Variants in CENPI observed in about 807,000 individuals in gnomAD.
CENPI encodes the protein centromere protein I.
Under a neutral mutation model 60.4 loss-of-function variants are expected in CENPI, and 4 were observed. The ratio of observed to expected loss-of-function variants is 0.07; its 90% confidence interval spans 0.03 to 0.15. The LOEUF (loss-of-function observed/expected upper bound fraction) is 0.15. Among genes scored for constraint, CENPI ranks in the 10% least tolerant of loss-of-function variants. The pLI, the probability that CENPI is intolerant of heterozygous loss-of-function variation, is 1.00. For missense variants in CENPI, 444 were observed against 534.5 expected, an observed-to-expected ratio of 0.83 and a Z score of 1.67; for synonymous variants, 157 against 189.4, an observed-to-expected ratio of 0.83 and a Z score of 1.40.
intron 5 of CENPI, 126 bp downstream of exon 5, chrX:101,109,717 C>T: frequency 1.7e-6 from 1 of 578,809 alleles, no homozygotes. Context: ...AACAATATAT[C>T]TTGATGCAAG....
intron 4 of CENPI, among the ~76,000 whole-genome samples, chrX:101,106,597 A>C (rs1171512816): frequency 9.1e-6 from 1 of 109,851 alleles, no homozygotes; most frequent in Non-Finnish European, 1.9e-5. Flanking sequence ...TTGTATTTTT[A>C]GTAGAGATGG....
chrX:101,128,778 C>G lies in CENPI; in HGVS notation c.1137C>G (p.Val379=), dbSNP rs368314390. The G allele has an allele frequency of 8.3e-7, 1 of 1,206,742 alleles. No individual in the cohort carries two copies. The highest frequency in any genetic ancestry group is 1.7e-5 in the African/African-American group (1 of 57,246). ...TGCTGCTTCACTACATTAACTGTGT[C>G]AGAGATGAGCCAGTCTTGCTGAGGT... ...NSLLLHYINC[V]RDEPVLLRFY... is the part of the protein sequence containing the mutation. Residue 379 remains valine (V), a synonymous_variant, in exon 12 of 22, where the codon GTC becomes GTG. Transcript: ENST00000682095.
intron 16 of CENPI, 50 bp from the exon 17 acceptor site, chrX:101,145,014 G>A (rs2089950664): frequency 1.0e-5 from 11 of 1,049,162 alleles, no homozygotes; most frequent in Non-Finnish European, 1.4e-5. Context: ...CTTGGAAATT[G>A]TGAACACTAT....
At chrX:101,175,779 A>G in the CENPI span, among the ~76,000 whole-genome samples, 5 of 111,929 alleles carry the variant, frequency 4.5e-5, no homozygotes, top group Admixed American at 4.8e-4. Flanking sequence ...TCGAGTATTT[A>G]TTATTTCTGT....
chrX:101,145,405 A>G (rs1427869830), intron 17 of CENPI, among the ~76,000 whole-genome samples: 1 of 111,085 alleles, frequency 9.0e-6, no homozygotes, highest in Non-Finnish European at 1.9e-5. Context: ...AATTGCTTTT[A>G]TTTAGGGCCA....
Position 101,148,150 on chromosome X carries a change from T to C in CENPI, c.2083T>C (p.Phe695Leu). The C allele has an allele frequency of 8.4e-7, 1 of 1,194,412 alleles. No homozygotes were observed. The highest frequency in any genetic ancestry group is 2.4e-4 in the Middle Eastern group (1 of 4,221). Residue 695 changes from phenylalanine to leucine, a missense_variant, in exon 20 of 22, where the codon TTT becomes CTT. Transcript: ENST00000682095. ...TTCTTTCTTGAGTTACGCTGTTTCC[T>C]TTTTGCTACAGGTAAGGGTATTTAA... ...HPSFLSYAVS[F>L]LLQESPEERT... is the part of the protein sequence containing the mutation.
chrX:101,147,700 A>G, intron 18 of CENPI, 63 bp from the exon 19 acceptor site: 1 of 880,283 alleles, frequency 1.1e-6, no homozygotes, highest in South Asian at 2.2e-5. Context: ...AAATTTTACC[A>G]TTTCAAAGGC....
intron 6 of CENPI, among the ~76,000 whole-genome samples, chrX:101,119,187 T>C (rs749633128): frequency 3.0e-4 from 34 of 111,572 alleles, no homozygotes; most frequent in Non-Finnish European, 5.5e-4. Context: ...TCTCAAAAAA[T>C]AAAATAAAAA....
intron 2 of CENPI, 160 bp from the exon 3 acceptor site, chrX:101,100,898 A>G (rs1318865482): frequency 5.0e-6 from 2 of 397,499 alleles, no homozygotes; most frequent in Non-Finnish European, 8.7e-6. Flanking sequence ...GAGAAAGTCA[A>G]CCTCTAGACT....
At chrX:101,148,506 A>G (rs753304862) in intron 20 of CENPI, among the ~76,000 whole-genome samples, 6 of 112,148 alleles carry the variant, frequency 5.4e-5, no homozygotes, top group Admixed American at 9.6e-5. Flanking sequence ...GAAACGCTTC[A>G]TAGATGTGGA....
intron 16 of CENPI, among the ~76,000 whole-genome samples, chrX:101,143,026 C>T (rs1391871801): frequency 6.8e-5 from 7 of 102,940 alleles, no homozygotes; most frequent in Admixed American, 3.2e-4. Flanking sequence ...GCTGAGATTG[C>T]GCCACTGTAC....
chrX:101,151,204 A>T (rs2148243297), intron 20 of CENPI, among the ~76,000 whole-genome samples: 1 of 111,537 alleles, frequency 9.0e-6, no homozygotes, highest in East Asian at 2.8e-4. Flanking sequence ...ACTTCTGGTT[A>T]TGTCTTATCT....
chrX:101,144,629 G>A (rs1318087726), intron 16 of CENPI, among the ~76,000 whole-genome samples: 1 of 107,485 alleles, frequency 9.3e-6, no homozygotes, highest in Non-Finnish European at 1.9e-5. Flanking sequence ...GAGAGCCCCC[G>A]ACCTTCGCCT....
At chrX:101,149,758 C>T (rs1001425953) in intron 20 of CENPI, among the ~76,000 whole-genome samples, 2 of 110,819 alleles carry the variant, frequency 1.8e-5, no homozygotes, top group Non-Finnish European at 3.8e-5. Context: ...CTGCCTGCCT[C>T]GGCCTCCCAA....
chrX:101,111,832 G>T (rs1367792549), intron 6 of CENPI, among the ~76,000 whole-genome samples: 1 of 111,406 alleles, frequency 9.0e-6, no homozygotes, highest in African/African-American at 3.3e-5. Flanking sequence ...AAGAGATTGA[G>T]ACCATCCTGG....
Position 101,129,888 on chromosome X carries a change from TACTTTGTC to T in CENPI, c.1196-89_1196-82del, listed in dbSNP as rs2089777389. 17 of 592,784 alleles carry T rather than the reference TACTTTGTC, an allele frequency of 2.9e-5. No homozygotes were observed. In the East Asian group the frequency reaches 5.9e-4, roughly 20 times the overall value. 48.9% of individuals were successfully genotyped at this position (592,784 alleles called of 1,213,427 possible). On this transcript the variant is annotated intron_variant, in intron 12 of 21. Transcript: ENST00000682095. ...GGATGTATGAGACTTATGGCTTTTT[TACTTTGTC>T]ACTTGTCACTTTAGTGATAATTATG...
In CENPI at chrX:101,148,141, G is replaced by A. The variant is rs765434241; in HGVS notation, c.2074G>A (p.Ala692Thr). Residue 692 changes from alanine to threonine, a missense_variant, in exon 20 of 22, where the codon GCT becomes ACT. Physicochemically the swap from Ala to Thr is moderately conservative, Grantham distance 58. Transcript: ENST00000682095. The part of the protein sequence containing the change: ...VVHHPSFLSY[A>T]VSFLLQESPE... Reference sequence around the variant, plus strand: ...CCATCATCCTTCTTTCTTGAGTTACGCTGTTTCCTTTTTGCTACAGGTAAG... The same window carrying A: ...CCATCATCCTTCTTTCTTGAGTTACACTGTTTCCTTTTTGCTACAGGTAAG... The A allele has an allele frequency of 1.0e-5, 12 of 1,195,901 alleles. No individual in the cohort carries two copies. The highest frequency in any genetic ancestry group is 9.4e-5 in the Admixed American group (4 of 42,538).
intron 20 of CENPI, among the ~76,000 whole-genome samples, chrX:101,155,642 A>G: frequency 8.9e-6 from 1 of 112,475 alleles, no homozygotes. Flanking sequence ...CATTCTTAGA[A>G]TAAATCCTGT....
intron 13 of CENPI, among the ~76,000 whole-genome samples, chrX:101,131,200 G>A (rs1337735850): frequency 3.6e-5 from 4 of 110,309 alleles, no homozygotes; most frequent in African/African-American, 6.6e-5. Context: ...TTGTAAAAAC[G>A]GGGATTTACC....
Sources: gnomAD v4.1 joint callset for allele counts (sites outside exome capture counted in the v4.1 genomes callset) on GRCh38, gnomAD v4.1.1 for gene constraint, MANE v1.5 for transcripts, NCBI Gene and HGNC (gene_info 2026-07-23, HGNC 2026-07-21) for gene names.